Variants in VPS26A observed in about 807,000 individuals in gnomAD.
VPS26A encodes VPS26 retromer complex component A.
A neutral mutation model predicts 42.4 loss-of-function variants in VPS26A; 22 were observed. The ratio of observed to expected loss-of-function variants is 0.52; its 90% CI spans 0.37 to 0.74. VPS26A has a LOEUF of 0.74. Ranked by LOEUF, VPS26A falls within the 30% of genes least tolerant of loss-of-function variation. The probability of loss-of-function intolerance (pLI) is 0.00; values close to 1 mark genes in which losing one functional copy is unlikely to be tolerated. For missense variants in VPS26A, 276 were observed against 379.2 expected (o/e 0.73, Z 2.26); for synonymous variants, 110 against 123.5 (o/e 0.89, Z 0.73).
Position 69,158,146 on chromosome 10 carries a change from C to A in VPS26A, c.486C>A (p.Asn162Lys). 6.2e-7 allele frequency: 1 copy of A among 1,612,568 alleles called. No individual in the cohort carries two copies. Among genetic ancestry groups the A allele is most frequent in the East Asian group, 2.2e-5 (1 of 44,754 alleles). Residue 162 changes from asparagine to lysine, a missense_variant, in exon 5 of 9, where the codon AAC (asparagine) becomes AAA (lysine). Asn to Lys is a moderately conservative substitution (Grantham distance 94, BLOSUM62 0). Coordinates refer to ENST00000263559, the MANE Select transcript of VPS26A (RefSeq NM_004896.5). ...TTGCCACCTATCCTGATGTTAACAA[C>A]TCTATTAAGATGGAAGTGGGCATTG... ...HQLATYPDVN[N>K]SIKMEVGIED...
At chr10:69,142,182 C>CTTTTTT (rs143922304) in intron 2 of VPS26A, among the ~76,000 whole-genome samples, 1 of 84,914 alleles carries the variant, frequency 1.2e-5, no homozygotes, top group African/African-American at 4.7e-5. Context: ...CATACCAGGC[C>CTTTTTT]TTTTTTTTTT....
intron 2 of VPS26A, among the ~76,000 whole-genome samples, chr10:69,153,807 T>C (rs1478880145): frequency 1.3e-5 from 2 of 152,048 alleles, no homozygotes; most frequent in Non-Finnish European, 2.9e-5. Context: ...TCCACCTGAT[T>C]CTCTGCTTTC....
chr10:69,124,917 C>T (rs1840617966), intron 1 of VPS26A, among the ~76,000 whole-genome samples: 1 of 152,204 alleles, frequency 6.6e-6, no homozygotes, highest in South Asian at 2.1e-4. Flanking sequence ...TCATTTCCGT[C>T]CGCAAGCTAT....
At chr10:69,162,572 T>A in intron 6 of VPS26A, 60 bp downstream of exon 6, 1 of 1,115,134 alleles carries the variant, frequency 9.0e-7, no homozygotes, top group African/African-American at 1.6e-5. Flanking sequence ...TTTTAAAATC[T>A]TAAAATATTG....
At chr10:69,131,147 G>A (rs931973369) in intron 1 of VPS26A, among the ~76,000 whole-genome samples, 6 of 152,066 alleles carry the variant, frequency 3.9e-5, no homozygotes, top group Non-Finnish European at 4.4e-5. Flanking sequence ...CACCATGCCC[G>A]ACTAATTTTT....
At position 69,172,445 on chromosome 10, in the gene VPS26A, C is replaced by CT. The variant is rs1273747326; in HGVS notation, c.*1179dup. ...AATGAAACCTGCTGTATGGAAACTA[C>CT]TTTCACTTATGGTTCATTGGTTTTT... is the stretch of plus-strand genomic sequence containing the variant. On this transcript the variant is annotated 3_prime_UTR_variant, in exon 9 of 9. Coordinates refer to ENST00000263559, the MANE Select transcript of VPS26A (RefSeq NM_004896.5). 48 of 152,538 alleles carry CT rather than the reference C, an allele frequency of 3.1e-4. No homozygotes were observed. The highest frequency in any genetic ancestry group is 1.2e-3 in the African/African-American group (48 of 41,452). 9.4% of individuals were successfully genotyped at this position (152,538 alleles called of 1,614,324 possible). A position where few individuals can be genotyped will look rare whatever the true frequency, so the allele number is the denominator to read the frequency against.
intron 2 of VPS26A, among the ~76,000 whole-genome samples, chr10:69,151,272 A>AAAAAC (rs1554854491): frequency 1.2e-5 from 1 of 81,556 alleles, no homozygotes; most frequent in Non-Finnish European, 3.2e-5. Flanking sequence ...GTCAAAAAAA[A>AAAAAC]AAAAAAAAAA....
At chr10:69,136,326 G>A (rs1379129941) in intron 2 of VPS26A, among the ~76,000 whole-genome samples, 2 of 150,902 alleles carry the variant, frequency 1.3e-5, no homozygotes, top group Middle Eastern at 3.4e-3. Flanking sequence ...GTGCAGTGGC[G>A]TGATCTTGGC....
At chr10:69,142,305 G>A (rs1431311750) in intron 2 of VPS26A, among the ~76,000 whole-genome samples, 1 of 148,884 alleles carries the variant, frequency 6.7e-6, no homozygotes, top group East Asian at 2.0e-4. Flanking sequence ...TCCTACCTCA[G>A]CCTCCCAAGT....
At chr10:69,164,567 T>G (rs1841643082) in intron 6 of VPS26A, among the ~76,000 whole-genome samples, 1 of 152,130 alleles carries the variant, frequency 6.6e-6, no homozygotes, top group Non-Finnish European at 1.5e-5. Flanking sequence ...TTTGTCTTGT[T>G]TGTGGTGGTT....
chr10:69,165,017 T>G (rs932725320), intron 6 of VPS26A, among the ~76,000 whole-genome samples: 7 of 151,348 alleles, frequency 4.6e-5, no homozygotes, highest in Non-Finnish European at 8.8e-5. Flanking sequence ...AACCTCTGCC[T>G]CCAGGGTTCA....
chr10:69,130,845 T>C (rs1161813634), intron 1 of VPS26A, among the ~76,000 whole-genome samples: 1 of 152,226 alleles, frequency 6.6e-6, no homozygotes, highest in Non-Finnish European at 1.5e-5. Context: ...AGATTCATTC[T>C]TGTGTGTAGT....
At chr10:69,139,812 C>G (rs1306780065) in intron 2 of VPS26A, among the ~76,000 whole-genome samples, 1 of 151,916 alleles carries the variant, frequency 6.6e-6, no homozygotes, top group Non-Finnish European at 1.5e-5. Flanking sequence ...TCTGCTTATC[C>G]TTTATTTCTA....
chr10:69,130,965 G>A (rs1840763159), intron 1 of VPS26A, among the ~76,000 whole-genome samples: 1 of 152,012 alleles, frequency 6.6e-6, no homozygotes, highest in African/African-American at 2.4e-5. Context: ...TTTCTATTTG[G>A]GGCTATTATG....
chr10:69,135,445 T>G (rs890476808), intron 2 of VPS26A, among the ~76,000 whole-genome samples: 19 of 152,168 alleles, frequency 1.2e-4, no homozygotes, highest in African/African-American at 4.6e-4. Context: ...TAGTTGGTGT[T>G]CAAATTACAT....
At chr10:69,150,391 T>C (rs1249178960) in intron 2 of VPS26A, among the ~76,000 whole-genome samples, 1 of 150,848 alleles carries the variant, frequency 6.6e-6, no homozygotes, top group African/African-American at 2.4e-5. Context: ...ACTGTGATTA[T>C]GTAAGAGAAT....
At chr10:69,153,077 G>A (rs1303410856) in intron 2 of VPS26A, among the ~76,000 whole-genome samples, 1 of 151,224 alleles carries the variant, frequency 6.6e-6, no homozygotes, top group African/African-American at 2.4e-5. Flanking sequence ...CGGGTACAGG[G>A]GGAGATAGAG....
intron 2 of VPS26A, among the ~76,000 whole-genome samples, chr10:69,152,215 A>T (rs1564681308): frequency 1.3e-5 from 2 of 152,214 alleles, no homozygotes; most frequent in Non-Finnish European, 2.9e-5. Context: ...TCTACAAAAA[A>T]CAAAACAAAA....
intron 2 of VPS26A, among the ~76,000 whole-genome samples, chr10:69,139,747 T>C (rs1840998036): frequency 6.6e-6 from 1 of 152,222 alleles, no homozygotes; most frequent in African/African-American, 2.4e-5. Context: ...GTTTTCTTCT[T>C]GATATCAGTA....
Sources: allele counts gnomAD v4.1 joint callset (sites outside exome capture counted in the v4.1 genomes callset), GRCh38; gene constraint gnomAD v4.1.1; transcripts MANE v1.5; gene names NCBI Gene and HGNC (gene_info 2026-07-23, HGNC 2026-07-21).